Variants in DDR2 observed in about 807,000 individuals in gnomAD.
DDR2 encodes the protein discoidin domain receptor tyrosine kinase 2.
DDR2 carries 27 observed loss-of-function variants against 94.9 expected under a neutral mutation model. The ratio of observed to expected loss-of-function variants is 0.28; its 90% CI spans 0.21 to 0.39. The LOEUF is 0.39. Ranked by LOEUF, DDR2 falls within the 10% of genes least tolerant of loss-of-function variation. The pLI is 1.00. For synonymous variants in DDR2, 382 were observed against 377.2 expected (o/e 1.01, Z -0.15); for missense variants, 783 against 1,076.0 (o/e 0.73, Z 3.81).
chr1:162,785,135 A>C lies in DDR2; in HGVS notation c.*4889A>C, dbSNP rs1396039739. On this transcript the variant is annotated 3_prime_UTR_variant, in exon 18 of 18. Transcript: ENST00000367921. ...GAAACAATCCAAGACAAACTTAGAA[A>C]GATTAGGCAACACAAAACACAGTAA... 6.6e-6 allele frequency: 1 copy of C among 152,240 alleles called. No homozygotes were observed. Among genetic ancestry groups the C allele is most frequent in the African/African-American group, 2.4e-5 (1 of 41,464 alleles). 9.4% of individuals were successfully genotyped at this position (152,240 alleles called of 1,614,324 possible). A position where few individuals can be genotyped will look rare whatever the true frequency, so the allele number is the denominator to read the frequency against.
At chr1:162,703,740 A>G (rs1008546706) in intron 2 of DDR2, among the ~76,000 whole-genome samples, 1 of 152,214 alleles carries the variant, frequency 6.6e-6, no homozygotes, top group South Asian at 2.1e-4. Flanking sequence ...CTGAAGTCAC[A>G]TAAGCTCCCC....
intron 2 of DDR2, among the ~76,000 whole-genome samples, chr1:162,673,604 TGTGTGAGAGAGAGAGAGA>T (rs1658983413): frequency 9.4e-5 from 12 of 127,666 alleles, no homozygotes; most frequent in Non-Finnish European, 1.4e-4. Context: ...TATGTGTGTG[TGTGTGAGAGAGAGAGAGA>T]GAGAGAGAGA....
chr1:162,776,501 T>A, intron 16 of DDR2, 131 bp downstream of exon 16: 1 of 803,338 alleles, frequency 1.2e-6, no homozygotes, highest in Non-Finnish European at 2.0e-6. Context: ...GATTTGAAAT[T>A]ATTTTCTTTG....
At chr1:162,643,638 GC>G (rs764300131) in intron 1 of DDR2, among the ~76,000 whole-genome samples, 10 of 152,132 alleles carry the variant, frequency 6.6e-5, no homozygotes, top group Non-Finnish European at 1.2e-4. Flanking sequence ...CCACCACCAT[GC>G]CCAGCTAATT....
intron 3 of DDR2, among the ~76,000 whole-genome samples, chr1:162,748,527 G>A (rs1186746326): frequency 6.7e-6 from 1 of 149,322 alleles, no homozygotes; most frequent in East Asian, 2.0e-4. Context: ...TAGAAACAAA[G>A]AGACTTAGAC....
chr1:162,658,998 T>G (rs776968426), intron 2 of DDR2, among the ~76,000 whole-genome samples: 6 of 151,890 alleles, frequency 4.0e-5, no homozygotes, highest in Non-Finnish European at 4.4e-5. Flanking sequence ...AGGGGAGCGG[T>G]CTAGAGAATA....
chr1:162,678,852 G>C (rs1659261452), intron 2 of DDR2, among the ~76,000 whole-genome samples: 1 of 152,222 alleles, frequency 6.6e-6, no homozygotes, highest in Admixed American at 6.5e-5. Flanking sequence ...TGGAGTCAGA[G>C]TCCTGGAGAC....
At position 162,783,365 on chromosome 1, in the gene DDR2, T is replaced by G. The variant is rs1295001580; in HGVS notation, c.*3119T>G. On this transcript the variant is annotated 3_prime_UTR_variant, in exon 18 of 18. Transcript: ENST00000367921. ...TCACTTGCAAGTATATAAGACTGTA[T>G]AAAGAAGAGGACTGTGTGCAAGTGG... 6.6e-6 allele frequency: 1 copy of G among 151,828 alleles called. No homozygotes were observed. Among genetic ancestry groups the G allele is most frequent in the South Asian group, 2.1e-4 (1 of 4,800 alleles). The allele number at this position is 151,828 out of a possible 1,614,324, so 9.4% of individuals were successfully genotyped here.
At chr1:162,703,957 C>T (rs1191024008) in intron 2 of DDR2, among the ~76,000 whole-genome samples, 6 of 152,168 alleles carry the variant, frequency 3.9e-5, no homozygotes, top group Non-Finnish European at 8.8e-5. Flanking sequence ...GACAGATCTG[C>T]ACATTCCTGC....
chr1:162,654,865 T>C (rs2101908405), intron 1 of DDR2, among the ~76,000 whole-genome samples: 1 of 152,316 alleles, frequency 6.6e-6, no homozygotes, highest in South Asian at 2.1e-4. Flanking sequence ...TTTTAAAAAA[T>C]GTAAAATGAT....
At chr1:162,726,049 T>C (rs1476972770) in intron 3 of DDR2, among the ~76,000 whole-genome samples, 3 of 152,188 alleles carry the variant, frequency 2.0e-5, no homozygotes, top group Non-Finnish European at 4.4e-5. Context: ...AGTTTTGGGT[T>C]CTCTGAACTG....
At position 162,680,781 on chromosome 1, in the gene DDR2, G is replaced by A. The variant is rs1182752351; in HGVS notation, c.-28+25407G>A. ...AAAGACTATTTTTTTAAGGGGAGAG[G>A]GAGAGGACTTTATTCATAATCCTAT... is the stretch of plus-strand genomic sequence containing the variant. On this transcript the variant is annotated intron_variant, in intron 2 of 17. Transcript: ENST00000367921. Among the ~76,000 whole-genome samples, 3 of 152,066 alleles carry A rather than the reference G, an allele frequency of 2.0e-5. No homozygotes were observed. In the East Asian group the frequency reaches 5.8e-4, roughly 29 times the overall value.
rs146556609 is a variant in DDR2, at chr1:162,659,894, A to C, written c.-28+4520A>C. On this transcript the variant is annotated intron_variant, in intron 2 of 17. Transcript: ENST00000367921. ...CCACAAACTCTATTACTGTCAGAGCAGATTTGGGCTGCTAGGTAGAATCTT... is the reference window on the plus strand; with the variant it reads ...CCACAAACTCTATTACTGTCAGAGCCGATTTGGGCTGCTAGGTAGAATCTT... Among the ~76,000 whole-genome samples, 3 of 152,326 alleles carry C rather than the reference A, an allele frequency of 2.0e-5. No individual in the cohort carries two copies. In the East Asian group the frequency reaches 5.8e-4, roughly 29 times the overall value.
At chr1:162,722,745 C>A (rs757117037) in intron 3 of DDR2, among the ~76,000 whole-genome samples, 8 of 152,158 alleles carry the variant, frequency 5.3e-5, no homozygotes, top group Non-Finnish European at 1.0e-4. Context: ...TGTTACGTGT[C>A]TCTTTATACT....
intron 2 of DDR2, among the ~76,000 whole-genome samples, chr1:162,682,952 A>G (rs563071417): frequency 1.2e-4 from 18 of 152,326 alleles, no homozygotes; most frequent in Non-Finnish European, 4.4e-5. Context: ...ATTGAATGAA[A>G]GCAGGAGTAG....
At chr1:162,660,873 G>T (rs1235274503) in intron 2 of DDR2, among the ~76,000 whole-genome samples, 1 of 152,220 alleles carries the variant, frequency 6.6e-6, no homozygotes, top group East Asian at 1.9e-4. Context: ...TACTGACTGA[G>T]TTGAATAGTT....
chr1:162,650,908 T>C lies in DDR2; in HGVS notation c.-191-4303T>C, dbSNP rs1045048197. ...CATGCCCAGCTAATTTTTGTATTTTTAGTAGAGACATGTTTTCATCATGTT... is the reference window on the plus strand; with the variant it reads ...CATGCCCAGCTAATTTTTGTATTTTCAGTAGAGACATGTTTTCATCATGTT... On this transcript the variant is annotated intron_variant, in intron 1 of 17. Transcript: ENST00000367921. Among the ~76,000 whole-genome samples the C allele has an allele frequency of 3.3e-5, 5 of 152,070 alleles. No homozygotes were observed. The East Asian group carries it at 7.7e-4, about 24-fold the overall frequency.
chr1:162,631,974 C>T (rs1571118150), upstream of DDR2: 1 of 151,846 alleles, frequency 6.6e-6, no homozygotes, highest in East Asian at 1.9e-4. Context: ...GGGGAGAGCT[C>T]AGCTCTAGGC....
intron 9 of DDR2, among the ~76,000 whole-genome samples, chr1:162,763,436 C>T (rs923473681): frequency 2.1e-5 from 3 of 144,180 alleles, no homozygotes; most frequent in Admixed American, 7.0e-5. Flanking sequence ...CAACCTCAGG[C>T]GATCCAGCCG....
Sources: allele counts gnomAD v4.1 joint callset (sites outside exome capture counted in the v4.1 genomes callset), GRCh38; gene constraint gnomAD v4.1.1; transcripts MANE v1.5; gene names NCBI Gene and HGNC (gene_info 2026-07-23, HGNC 2026-07-21).